EYS: variants seen among roughly 807,000 people sequenced by gnomAD.
EYS encodes the protein protein eyes shut homolog.
A neutral mutation model predicts 282.1 loss-of-function variants in EYS; 250 were observed. The ratio of observed to expected loss-of-function variants is 0.89; its 90% CI spans 0.80 to 0.98. The LOEUF is 0.98. EYS is among the 50% of genes least tolerant of loss of function. The pLI is 0.00. For synonymous variants in EYS, 1,355 were observed against 1,282.9 expected, an observed-to-expected ratio of 1.06 and a Z score of -1.20; for missense variants, 4,016 against 3,709.0, an observed-to-expected ratio of 1.08 and a Z score of -2.15.
intron 29 of EYS, among the ~76,000 whole-genome samples, chr6:64,347,548 G>A (rs1771455843): frequency 6.6e-6 from 1 of 151,058 alleles, no homozygotes; most frequent in South Asian, 2.1e-4. Context: ...TAGTGGGTTT[G>A]TCATACTACT....
At chr6:64,873,130 G>C (rs925270656) in intron 19 of EYS, among the ~76,000 whole-genome samples, 1 of 152,048 alleles carries the variant, frequency 6.6e-6, no homozygotes, top group African/African-American at 2.4e-5. Flanking sequence ...AGGTTTATAG[G>C]ACTTACTGTT....
intron 14 of EYS, among the ~76,000 whole-genome samples, chr6:64,958,734 CAAAAAAA>C (rs1167094477): frequency 0.012 from 614 of 51,554 alleles, 5 homozygotes; most frequent in South Asian, 0.078. Context: ...GACTCCGTCT[CAAAAAAA>C]AAAAAAAAAA....
intron 14 of EYS, among the ~76,000 whole-genome samples, chr6:64,982,338 TATA>T (rs1770703658): frequency 6.6e-6 from 1 of 151,414 alleles, no homozygotes. Flanking sequence ...GTGAATCAAT[TATA>T]ATAACTTAAA....
intron 39 of EYS, among the ~76,000 whole-genome samples, chr6:63,780,319 A>G (rs1020726897): frequency 2.0e-5 from 3 of 152,078 alleles, no homozygotes; most frequent in Admixed American, 1.3e-4. Flanking sequence ...TGAGGAATCC[A>G]CTCACTGTCT....
At chr6:65,091,770 C>A (rs1487418134) in intron 12 of EYS, among the ~76,000 whole-genome samples, 1 of 152,010 alleles carries the variant, frequency 6.6e-6, no homozygotes, top group African/African-American at 2.4e-5. Context: ...CGCACAACCC[C>A]ATGCACTACA....
At chr6:64,932,200 T>C (rs1768750057) in intron 15 of EYS, among the ~76,000 whole-genome samples, 1 of 151,948 alleles carries the variant, frequency 6.6e-6, no homozygotes, top group Non-Finnish European at 1.5e-5. Flanking sequence ...ATTGCAATAA[T>C]GGTAGCTGAG....
chr6:64,040,077 C>G (rs1770313191), intron 33 of EYS, among the ~76,000 whole-genome samples: 1 of 152,144 alleles, frequency 6.6e-6, no homozygotes, highest in South Asian at 2.1e-4. Flanking sequence ...TTAGCAGTAA[C>G]TTAATCAGTT....
intron 15 of EYS, among the ~76,000 whole-genome samples, chr6:64,941,973 C>A (rs115519321): frequency 0.016 from 2,361 of 152,104 alleles, 57 homozygotes; most frequent in African/African-American, 0.054. Context: ...TGGATATAAG[C>A]CCAGTAATGG....
intron 5 of EYS, among the ~76,000 whole-genome samples, chr6:65,411,414 A>G (rs1767006847): frequency 6.6e-6 from 1 of 152,142 alleles, no homozygotes; most frequent in Admixed American, 6.6e-5. Context: ...ATAGAAAATT[A>G]CAAAGTTAAT....
rs141933394 is a variant in EYS at position 64,325,557 on chromosome 6, C to G, written c.6079-18475G>C. On this transcript the variant is annotated intron_variant, in intron 29 of 42. Coordinates refer to ENST00000503581, the MANE Select transcript of EYS (RefSeq NM_001142800.2). ...CTAGTTCACCAGAAATAGTTCCAAC[C>G]TAAGAAGAAATCTCTGATTTACCTG... Among the ~76,000 whole-genome samples the G allele has an allele frequency of 6.3e-3, 952 of 152,172 alleles. 17 individuals are homozygous for G. Among genetic ancestry groups the G allele is most frequent in the Non-Finnish European group, 5.0e-3 (341 of 68,006 alleles).
intron 19 of EYS, among the ~76,000 whole-genome samples, chr6:64,879,550 C>T (rs1333768199): frequency 1.3e-5 from 2 of 151,824 alleles, no homozygotes; most frequent in African/African-American, 4.8e-5. Flanking sequence ...TGTTTGTGAA[C>T]ATTGCAGAAT....
At chr6:64,975,474 A>T (rs1457511846) in intron 14 of EYS, among the ~76,000 whole-genome samples, 8 of 151,832 alleles carry the variant, frequency 5.3e-5, no homozygotes, top group East Asian at 3.9e-4. Flanking sequence ...TTATTTTTTT[A>T]AAAAAGTTTT....
At chr6:65,002,738 C>G (rs1054106409) in intron 13 of EYS, among the ~76,000 whole-genome samples, 1 of 147,672 alleles carries the variant, frequency 6.8e-6, no homozygotes, top group East Asian at 2.1e-4. Flanking sequence ...ACAGAGGGAC[C>G]GGCTGAAGCC....
intron 8 of EYS, among the ~76,000 whole-genome samples, chr6:65,379,036 T>C (rs1765507703): frequency 6.7e-6 from 1 of 148,760 alleles, no homozygotes; most frequent in Non-Finnish European, 1.5e-5. Flanking sequence ...TGTACAATAA[T>C]AAAAAAGATA....
At chr6:64,711,019 C>T (rs909150386) in intron 22 of EYS, among the ~76,000 whole-genome samples, 8 of 152,028 alleles carry the variant, frequency 5.3e-5, no homozygotes, top group East Asian at 1.9e-4. Context: ...AATGCCGTAC[C>T]GTAAGACAGA....
chr6:64,063,032 C>G (rs1395221560), intron 33 of EYS, among the ~76,000 whole-genome samples: 1 of 152,186 alleles, frequency 6.6e-6, no homozygotes, highest in Non-Finnish European at 1.5e-5. Flanking sequence ...TGACACTCTA[C>G]TCCTTTTTTG....
At chr6:63,943,096 G>A (rs1033253148) in intron 35 of EYS, among the ~76,000 whole-genome samples, 3 of 152,208 alleles carry the variant, frequency 2.0e-5, no homozygotes, top group Non-Finnish European at 4.4e-5. Context: ...ACGCTTCTGA[G>A]AAGTCAAGAA....
chr6:65,371,861 T>A (rs1028729372), intron 8 of EYS, among the ~76,000 whole-genome samples: 1 of 151,442 alleles, frequency 6.6e-6, no homozygotes, highest in Non-Finnish European at 1.5e-5. Flanking sequence ...TCTTTAGATT[T>A]TCAATTGTTG....
chr6:64,817,437 T>C (rs1467739587), intron 21 of EYS, among the ~76,000 whole-genome samples: 1 of 152,066 alleles, frequency 6.6e-6, no homozygotes, highest in South Asian at 2.1e-4. Flanking sequence ...AATAAAAAGC[T>C]CATAAATTAC....
Sources: allele counts gnomAD v4.1 joint callset (sites outside exome capture counted in the v4.1 genomes callset), GRCh38; gene constraint gnomAD v4.1.1; transcripts MANE v1.5; gene names NCBI Gene and HGNC (gene_info 2026-07-23, HGNC 2026-07-21).